The following C1orf21 variants were observed in gnomAD, a reference collection of about 807,000 sequenced individuals.
The protein encoded by C1orf21 is uncharacterized protein C1orf21.
A neutral mutation model predicts 18.7 loss-of-function variants in C1orf21; 3 were observed. That is an observed-to-expected ratio of 0.16 (90% confidence interval 0.07 to 0.42). C1orf21 has a LOEUF of 0.42. C1orf21 is among the 10% of genes least tolerant of loss of function. C1orf21 has a pLI of 0.99. For synonymous variants in C1orf21, 41 were observed against 46.4 expected (o/e 0.88, Z 0.47); for missense variants, 104 against 143.6 (o/e 0.72, Z 1.41).
At chr1:184,587,401 GATTC>G (rs1659370748) in intron 3 of C1orf21, among the ~76,000 whole-genome samples, 2 of 149,850 alleles carry the variant, frequency 1.3e-5, no homozygotes, top group African/African-American at 4.9e-5. Context: ...TAACAATATT[GATTC>G]TTTCTATCCA....
chr1:184,445,676 G>A (rs1657019420), intron 1 of C1orf21, among the ~76,000 whole-genome samples: 1 of 152,042 alleles, frequency 6.6e-6, no homozygotes, highest in South Asian at 2.1e-4. Context: ...AAGACAATGA[G>A]ACAGGTTTTC....
intron 2 of C1orf21, among the ~76,000 whole-genome samples, chr1:184,506,567 C>G (rs1658064436): frequency 6.6e-6 from 1 of 152,308 alleles, no homozygotes; most frequent in East Asian, 1.9e-4. Context: ...TTAGACATTA[C>G]TTCATGCTAT....
At chr1:184,473,417 G>C (rs555996449) in intron 1 of C1orf21, among the ~76,000 whole-genome samples, 78 of 152,174 alleles carry the variant, frequency 5.1e-4, no homozygotes, top group African/African-American at 1.8e-3. Flanking sequence ...AATAGAGCAT[G>C]TGAGGTTGGG....
intron 1 of C1orf21, among the ~76,000 whole-genome samples, chr1:184,457,828 A>G (rs13374609): frequency 0.083 from 12,604 of 152,288 alleles, 653 homozygotes; most frequent in African/African-American, 0.14. Context: ...AAGAGCATTT[A>G]GGAAATAATA....
At chr1:184,483,756 C>T (rs1176789323) in intron 2 of C1orf21, among the ~76,000 whole-genome samples, 1 of 152,110 alleles carries the variant, frequency 6.6e-6, no homozygotes, top group Admixed American at 6.5e-5. Flanking sequence ...TTTTTTGGCA[C>T]CACTATCAGA....
chr1:184,390,144 A>G (rs1393720754), intron 1 of C1orf21, among the ~76,000 whole-genome samples: 1 of 152,238 alleles, frequency 6.6e-6, no homozygotes, highest in Admixed American at 6.5e-5. Flanking sequence ...GTTTTCCTCC[A>G]GCTTCTTAGA....
rs1160841200 is a variant in C1orf21 at position 184,594,214 on chromosome 1, C to T, written c.266+3399C>T. Among the ~76,000 whole-genome samples the T allele has an allele frequency of 2.0e-5, 3 of 152,216 alleles. No individual in the cohort carries two copies. The East Asian group carries it at 5.8e-4, about 29-fold the overall frequency. On this transcript the variant is annotated intron_variant, in intron 4 of 5. Coordinates refer to ENST00000235307, the MANE Select transcript of C1orf21 (RefSeq NM_030806.4). ...ATGAGGGTTAGGATGAATCTACTTC[C>T]CTGAGGTCCAGTTGAAAAATGATGA...
At chr1:184,566,481 C>G in intron 3 of C1orf21, 1 of 278,976 alleles carries the variant, frequency 3.6e-6, no homozygotes, top group East Asian at 9.1e-5. Flanking sequence ...TCACCTCAAC[C>G]CTGAGAGGTG....
At chr1:184,516,688 T>G (rs1049784692) in intron 3 of C1orf21, among the ~76,000 whole-genome samples, 2 of 152,152 alleles carry the variant, frequency 1.3e-5, no homozygotes, top group Non-Finnish European at 2.9e-5. Context: ...TTGTGAGACT[T>G]ATTCACTACC....
At chr1:184,422,730 A>G (rs1471119164) in intron 1 of C1orf21, among the ~76,000 whole-genome samples, 1 of 152,090 alleles carries the variant, frequency 6.6e-6, no homozygotes, top group Non-Finnish European at 1.5e-5. Context: ...GATTGATAGG[A>G]TTTTCTTCCC....
At chr1:184,393,133 T>C (rs1160147464) in intron 1 of C1orf21, among the ~76,000 whole-genome samples, 2 of 152,152 alleles carry the variant, frequency 1.3e-5, no homozygotes, top group African/African-American at 4.8e-5. Flanking sequence ...TCCCTTCTGC[T>C]TCCTATCCCA....
At chr1:184,527,064 C>T (rs1026140562) in intron 3 of C1orf21, among the ~76,000 whole-genome samples, 1 of 152,192 alleles carries the variant, frequency 6.6e-6, no homozygotes, top group Admixed American at 6.6e-5. Context: ...GGAGGGGCCC[C>T]CTTTATGCTC....
intron 3 of C1orf21, among the ~76,000 whole-genome samples, chr1:184,535,267 A>C (rs1658534594): frequency 6.6e-6 from 1 of 152,148 alleles, no homozygotes; most frequent in Non-Finnish European, 1.5e-5. Context: ...AATTGAACCA[A>C]ATGGCTTTGC....
intron 2 of C1orf21, among the ~76,000 whole-genome samples, chr1:184,506,371 A>ATATG (rs1463148511): frequency 6.6e-6 from 1 of 152,220 alleles, no homozygotes; most frequent in African/African-American, 2.4e-5. Context: ...TTAAGGGGTG[A>ATATG]TATGATGAGG....
chr1:184,532,521 G>T (rs1024681685), intron 3 of C1orf21, among the ~76,000 whole-genome samples: 1 of 152,092 alleles, frequency 6.6e-6, no homozygotes, highest in Non-Finnish European at 1.5e-5. Flanking sequence ...GAGGCTGGAG[G>T]ATCACTTGAG....
intron 3 of C1orf21, among the ~76,000 whole-genome samples, chr1:184,513,464 G>A (rs1658180234): frequency 1.3e-5 from 2 of 152,256 alleles, no homozygotes; most frequent in Admixed American, 1.3e-4. Flanking sequence ...GTTTACAGTA[G>A]AGGACACTGG....
Position 184,419,502 on chromosome 1 carries a change from G to A in C1orf21, c.-125+32134G>A, listed in dbSNP as rs143227906. Among the ~76,000 whole-genome samples the A allele has an allele frequency of 1.8e-3, 278 of 152,216 alleles. 2 individuals are homozygous for A. The highest frequency in any genetic ancestry group is 6.8e-3 in the Middle Eastern group (2 of 294). On this transcript the variant is annotated intron_variant, in intron 1 of 5. Transcript: ENST00000235307. ...TTATTGAACACCTGCTACATACCAG[G>A]CACTTGAGGTTTCACTGAGCAATGC... is the stretch of plus-strand genomic sequence containing the variant.
intron 1 of C1orf21, among the ~76,000 whole-genome samples, chr1:184,426,710 A>C (rs184838933): frequency 6.6e-6 from 1 of 152,256 alleles, no homozygotes; most frequent in East Asian, 1.9e-4. Flanking sequence ...GAATGCTGAT[A>C]ATTATTTGTA....
At chr1:184,564,605 T>TA (rs1232242325) in intron 3 of C1orf21, among the ~76,000 whole-genome samples, 1 of 152,118 alleles carries the variant, frequency 6.6e-6, no homozygotes, top group African/African-American at 2.4e-5. Context: ...ACACCTGGCC[T>TA]AATAATAATA....
Sources: allele counts gnomAD v4.1 joint callset (sites outside exome capture counted in the v4.1 genomes callset), GRCh38; gene constraint gnomAD v4.1.1; transcripts MANE v1.5; gene names NCBI Gene and HGNC (gene_info 2026-07-23, HGNC 2026-07-21).